The following CEP68 variants were observed in gnomAD, a reference collection of about 807,000 sequenced individuals.
CEP68 encodes centrosomal protein of 68 kDa.
CEP68 carries 26 observed loss-of-function variants against 55.3 expected under a neutral mutation model. The observed-to-expected ratio is 0.47, with a 90% confidence interval of 0.34 to 0.65. CEP68 has a LOEUF of 0.65. Among genes scored for constraint, CEP68 ranks in the 30% least tolerant of loss-of-function variants. The probability of loss-of-function intolerance (pLI) is 0.01; values close to 1 mark genes in which losing one functional copy is unlikely to be tolerated. For missense variants in CEP68, 957 were observed against 946.7 expected (o/e 1.01, Z -0.14); for synonymous variants, 402 against 383.2 (o/e 1.05, Z -0.57).
intron 1 of CEP68, among the ~76,000 whole-genome samples, chr2:65,068,652 C>A (rs1363411876): frequency 6.6e-6 from 1 of 152,048 alleles, no homozygotes; most frequent in African/African-American, 2.4e-5. Context: ...CATGGTGAAA[C>A]CCTGTCTCTA....
intron 1 of CEP68, among the ~76,000 whole-genome samples, chr2:65,057,446 C>T (rs1347907283): frequency 2.0e-5 from 3 of 152,182 alleles, no homozygotes; most frequent in Non-Finnish European, 2.9e-5. Context: ...AATTCTGGCC[C>T]ACTTAGAAAA....
intron 1 of CEP68, among the ~76,000 whole-genome samples, chr2:65,062,712 C>T (rs1675972545): frequency 6.6e-6 from 1 of 151,896 alleles, no homozygotes; most frequent in African/African-American, 2.4e-5. Flanking sequence ...TGGTGCACGC[C>T]TGTAATCCCA....
chr2:65,062,625 C>G (rs1266908131), intron 1 of CEP68, among the ~76,000 whole-genome samples: 5 of 151,410 alleles, frequency 3.3e-5, no homozygotes, highest in African/African-American at 1.2e-4. Context: ...TGCCTAAGCT[C>G]AGGAGTTCGA....
intron 4 of CEP68, chr2:65,074,772 C>T (rs2270330): frequency 4.5e-5 from 11 of 242,822 alleles, no homozygotes; most frequent in African/African-American, 9.5e-5. Context: ...AGACCCCCCC[C>T]CCTCAAAAAA....
chr2:65,066,620 C>T (rs1350339727), intron 1 of CEP68, among the ~76,000 whole-genome samples: 7 of 147,554 alleles, frequency 4.7e-5, no homozygotes, highest in South Asian at 2.2e-4. Context: ...CCCAGCTACT[C>T]GGGAGGCTGA....
chr2:65,067,965 A>G (rs547369336), intron 1 of CEP68, among the ~76,000 whole-genome samples: 23 of 152,198 alleles, frequency 1.5e-4, no homozygotes, highest in African/African-American at 5.5e-4. Flanking sequence ...GTGCCCATCT[A>G]GGTGGTATTT....
chr2:65,066,503 G>A (rs1676173528), intron 1 of CEP68, among the ~76,000 whole-genome samples: 1 of 150,808 alleles, frequency 6.6e-6, no homozygotes, highest in Non-Finnish European at 1.5e-5. Flanking sequence ...GCTGAGGCGG[G>A]TGGATCATAA....
intron 5 of CEP68, among the ~76,000 whole-genome samples, chr2:65,079,204 G>A (rs547054378): frequency 4.3e-4 from 65 of 152,352 alleles, no homozygotes; most frequent in African/African-American, 1.5e-3. Flanking sequence ...GCACTTTCCT[G>A]ACCAGCATGG....
At chr2:65,076,530 T>C (rs1013554614) in intron 4 of CEP68, among the ~76,000 whole-genome samples, 4 of 152,136 alleles carry the variant, frequency 2.6e-5, no homozygotes, top group African/African-American at 9.7e-5. Context: ...CTCATGCGTA[T>C]GTGTGTGCTA....
chr2:65,072,897 C>T lies in CEP68; in HGVS notation c.1801C>T (p.Pro601Ser). 1 of 1,614,180 alleles carries T rather than the reference C, an allele frequency of 6.2e-7. No individual in the cohort carries two copies. The highest frequency in any genetic ancestry group is 8.5e-7 in the Non-Finnish European group (1 of 1,180,040). Residue 601 changes from proline to serine, a missense_variant, in exon 3 of 7, where the codon CCA becomes TCA. Physicochemically the swap from Pro to Ser is moderately conservative, Grantham distance 74. Transcript: ENST00000377990. ...PSLPARLDRW[P>S]FSDPDVEGQL... Reference sequence around the variant, plus strand: ...CTTGCCAGCTAGGTTGGACCGGTGGCCATTCTCAGACCCAGATGTTGAAGG... The same window carrying T: ...CTTGCCAGCTAGGTTGGACCGGTGGTCATTCTCAGACCCAGATGTTGAAGG...
At chr2:65,065,265 A>C (rs542118502) in intron 1 of CEP68, among the ~76,000 whole-genome samples, 39 of 152,392 alleles carry the variant, frequency 2.6e-4, no homozygotes, top group Non-Finnish European at 5.0e-4. Context: ...AGGATGTGCC[A>C]GCACAAATGT....
At chr2:65,077,049 G>A (rs1350463859) in intron 4 of CEP68, among the ~76,000 whole-genome samples, 1 of 142,740 alleles carries the variant, frequency 7.0e-6, no homozygotes, top group South Asian at 2.2e-4. Flanking sequence ...AGGCTGGAGT[G>A]CAATGGTGTG....
chr2:65,075,503 G>C (rs1293900065), intron 4 of CEP68, among the ~76,000 whole-genome samples: 1 of 152,128 alleles, frequency 6.6e-6, no homozygotes, highest in Admixed American at 6.6e-5. Flanking sequence ...TTGTTATTTT[G>C]AAAATACTAA....
At chr2:65,070,447 A>G (rs948276960) in intron 2 of CEP68, among the ~76,000 whole-genome samples, 4 of 150,724 alleles carry the variant, frequency 2.7e-5, no homozygotes, top group Non-Finnish European at 5.9e-5. Context: ...CCCAGCTCTT[A>G]CATTCTTTTC....
rs765300170 is a variant in CEP68 at position 65,072,133 on chromosome 2, C to T, written c.1037C>T (p.Thr346Ile). Residue 346 changes from threonine to isoleucine, a missense_variant, in exon 3 of 7, where the codon ACC (threonine) becomes ATC (isoleucine). Thr to Ile is a moderately conservative substitution (Grantham distance 89). Transcript: ENST00000377990. ...LDSFSVSPAS[T>I]LKSPTNVSPN... ...AGCTTCTCTGTCTCTCCAGCAAGCA[C>T]CCTCAAATCACCTACTAATGTCTCC... The T allele has an allele frequency of 3.1e-6, 5 of 1,614,102 alleles. No homozygotes were observed. The highest frequency in any genetic ancestry group is 4.2e-6 in the Non-Finnish European group (5 of 1,180,014).
chr2:65,081,340 C>T (rs918542791), intron 5 of CEP68, among the ~76,000 whole-genome samples: 4 of 152,194 alleles, frequency 2.6e-5, no homozygotes, highest in Non-Finnish European at 5.9e-5. Context: ...GCACTTTGCC[C>T]TGATGACACC....
At chr2:65,057,814 A>G (rs908133396) in intron 1 of CEP68, among the ~76,000 whole-genome samples, 2 of 151,674 alleles carry the variant, frequency 1.3e-5, no homozygotes, top group Non-Finnish European at 2.9e-5. Context: ...CATGTTACTA[A>G]CTCTGATTAA....
At chr2:65,076,081 A>G (rs371333956) in intron 4 of CEP68, among the ~76,000 whole-genome samples, 39 of 151,244 alleles carry the variant, frequency 2.6e-4, no homozygotes, top group African/African-American at 9.0e-4. Context: ...GAACTCCACA[A>G]TGAGTTCCTC....
rs563443406 is a variant in CEP68, at chr2:65,075,316, T to C, written c.2007+912T>C. ...GTGGTGGCATGCACTAGCAGGAGGA[T>C]CACTGGAACCCGGCAGGCAGAGGCT... On this transcript the variant is annotated intron_variant, in intron 4 of 6. Coordinates refer to ENST00000377990, the MANE Select transcript of CEP68 (RefSeq NM_015147.3). 4.7e-5 allele frequency: 7 copies of C among 150,146 alleles called. No individual in the cohort carries two copies. The East Asian group carries it at 1.2e-3, about 25-fold the overall frequency. The allele number at this position is 150,146 out of a possible 1,614,324, so 9.3% of individuals were successfully genotyped here. A position where few individuals can be genotyped will look rare whatever the true frequency, so the allele number is the denominator to read the frequency against.
Sources: allele counts gnomAD v4.1 joint callset (sites outside exome capture counted in the v4.1 genomes callset), GRCh38; gene constraint gnomAD v4.1.1; transcripts MANE v1.5; gene names NCBI Gene and HGNC (gene_info 2026-07-23, HGNC 2026-07-21).